The following KCNH2 variants were observed in gnomAD, a reference collection of about 807,000 sequenced individuals.
KCNH2 encodes potassium voltage-gated channel subfamily H member 2.
Under a neutral mutation model 95.9 loss-of-function variants are expected in KCNH2, and 35 were observed. The ratio of observed to expected loss-of-function variants is 0.37; its 90% CI spans 0.28 to 0.48. The LOEUF (loss-of-function observed/expected upper bound fraction) is 0.48, where lower values mean the gene tolerates loss of function less well. KCNH2 is among the 20% of genes least tolerant of loss of function. KCNH2 has a pLI of 0.99. For missense variants in KCNH2, 1,274 were observed against 1,702.9 expected, an observed-to-expected ratio of 0.75 and a Z score of 4.43; for synonymous variants, 786 against 754.7, an observed-to-expected ratio of 1.04 and a Z score of -0.68.
At chr7:150,953,437 G>C (rs556724447) in intron 5 of KCNH2, among the ~76,000 whole-genome samples, 1 of 152,158 alleles carries the variant, frequency 6.6e-6, no homozygotes, top group East Asian at 1.9e-4. Context: ...CTCCACACAG[G>C]TCCGGGACAG....
intron 2 of KCNH2, 84 bp downstream of exon 2, chr7:150,974,627 A>ACCCCCCCCC: frequency 2.9e-6 from 1 of 346,194 alleles, no homozygotes; most frequent in Non-Finnish European, 4.9e-6. Context: ...ACACCCCCAC[A>ACCCCCCCCC]CCCCCACGCA....
intron 4 of KCNH2, among the ~76,000 whole-genome samples, 188 bp downstream of exon 4, chr7:150,957,871 T>A (rs41314414): frequency 6.6e-6 from 1 of 152,152 alleles, no homozygotes; most frequent in East Asian, 1.9e-4. Context: ...AAGAATGTAA[T>A]GGGATGAATG....
chr7:150,957,133 C>A (rs537636181), intron 5 of KCNH2, among the ~76,000 whole-genome samples, 158 bp downstream of exon 5: 3 of 152,168 alleles, frequency 2.0e-5, no homozygotes, highest in African/African-American at 7.2e-5. Context: ...CCCATCGCAG[C>A]TCTGGAATAG....
intron 2 of KCNH2, among the ~76,000 whole-genome samples, chr7:150,973,412 T>C (rs1484005078): frequency 1.3e-5 from 2 of 152,200 alleles, no homozygotes; most frequent in South Asian, 2.1e-4. Context: ...ACAACAGTAG[T>C]GTCTACCTCC....
At chr7:150,949,675 G>C (rs756247931) in intron 9 of KCNH2, 25 of 1,144,988 alleles carry the variant, frequency 2.2e-5, no homozygotes, top group Middle Eastern at 4.0e-4. Context: ...ACAGGCAAAG[G>C]GGGAGGAAGT....
rs1200618653 is a variant in KCNH2, at chr7:150,978,300, T to TCGGCC, written c.-392_-388dup. The TCGGCC allele has an allele frequency of 7.0e-6, 1 of 143,202 alleles. No homozygotes were observed. The highest frequency in any genetic ancestry group is 1.5e-5 in the Non-Finnish European group (1 of 65,094). 8.9% of individuals were successfully genotyped at this position (143,202 alleles called of 1,614,324 possible). A position where few individuals can be genotyped will look rare whatever the true frequency, so the allele number is the denominator to read the frequency against. ...CCGCGGCTCGGGCAGCGCCTGCGGC[T>TCGGCC]CGGCCCGGCCGCGGAAGGGTTAATG... is the stretch of plus-strand genomic sequence containing the variant. On this transcript the variant is annotated 5_prime_UTR_variant, in exon 1 of 15. Transcript: ENST00000262186.
At chr7:150,970,716 C>G (rs1801820662) in intron 2 of KCNH2, among the ~76,000 whole-genome samples, 1 of 152,214 alleles carries the variant, frequency 6.6e-6, no homozygotes, top group Admixed American at 6.5e-5. Flanking sequence ...CAGATTCTCC[C>G]ACTCAGCCCT....
At chr7:150,959,101 C>T (rs1355997391) in intron 3 of KCNH2, among the ~76,000 whole-genome samples, 2 of 152,222 alleles carry the variant, frequency 1.3e-5, no homozygotes, top group Non-Finnish European at 2.9e-5. Context: ...AAAGCCTCTC[C>T]TCAGCTAGCC....
chr7:150,958,579 C>A, intron 3 of KCNH2, 77 bp from the exon 4 acceptor site: 1 of 1,268,532 alleles, frequency 7.9e-7, no homozygotes, highest in Non-Finnish European at 1.0e-6. Flanking sequence ...AAATGGACCC[C>A]CAGCCGCTGG....
At chr7:150,975,161 T>A (rs1801950388) in intron 1 of KCNH2, among the ~76,000 whole-genome samples, 1 of 151,826 alleles carries the variant, frequency 6.6e-6, no homozygotes, top group Non-Finnish European at 1.5e-5. Context: ...CTCCTCCGCC[T>A]GGCCCGCGGG....
chr7:150,956,896 C>G (rs1167478373), intron 5 of KCNH2, among the ~76,000 whole-genome samples: 1 of 152,076 alleles, frequency 6.6e-6, no homozygotes, highest in African/African-American at 2.4e-5. Flanking sequence ...TTGGCTTGGC[C>G]CCTAGTACTT....
intron 5 of KCNH2, chr7:150,955,862 C>T: frequency 9.8e-7 from 1 of 1,015,816 alleles, no homozygotes; most frequent in Non-Finnish European, 1.2e-6. Flanking sequence ...CCCCACCCCG[C>T]CACACTAGGC....
intron 9 of KCNH2, 21 bp downstream of exon 9, chr7:150,950,147 T>TGGGGGGGGGGGGGGGGGTG: frequency 1.2e-6 from 1 of 843,278 alleles, no homozygotes; most frequent in Non-Finnish European, 1.9e-6. Context: ...TCCAGTCCAG[T>TGGGGGGGGGGGGGGGGGTG]GCCCGCCCCC....
Position 150,945,439 on chromosome 7 carries a change from G to C in KCNH2, c.3406C>G (p.Leu1136Val). Residue 1136 changes from leucine to valine, a missense_variant, in exon 15 of 15, where the codon CTC becomes GTC. Physicochemically the swap from Leu to Val is conservative, Grantham distance 32 (BLOSUM62 1). Around this residue, in one of 7 missense-constraint regions of KCNH2, gnomAD observed 457 missense variants for 416.1 expected, o/e 1.10. Coordinates refer to ENST00000262186, the MANE Select transcript of KCNH2 (RefSeq NM_000238.4). The surrounding 1 kb of genome is among the most constrained non-coding windows in gnomAD (Gnocchi z 5.6). ...GCCCCCAGCTGGCCCGGTAGGGAGA[G>C]GCGTCGTGTGGGGCCTTCTTGGGGA... is the stretch of plus-strand genomic sequence containing the variant. ...ELPQEGPTRRLSLPGQLGALT... is the reference protein window; with the variant it reads ...ELPQEGPTRRVSLPGQLGALT... The C allele has an allele frequency of 6.4e-7, 1 of 1,568,408 alleles. No homozygotes were observed. The highest frequency in any genetic ancestry group is 8.6e-7 in the Non-Finnish European group (1 of 1,156,780).
rs1283738623 is a variant in KCNH2 at position 150,946,764 on chromosome 7, G to C, written c.3330+113C>G. The C allele has an allele frequency of 5.0e-6, 5 of 1,009,482 alleles. No homozygotes were observed. The highest frequency in any genetic ancestry group is 4.9e-5 in the East Asian group (2 of 40,492). 62.5% of individuals were successfully genotyped at this position (1,009,482 alleles called of 1,614,324 possible). A position where few individuals can be genotyped will look rare whatever the true frequency, so the allele number is the denominator to read the frequency against. ...AGGGGTGGGAGGAGGGCAGGAACAA[G>C]GTTCAGGGAGGCTGGGCCACAGAGC... On this transcript the variant is annotated intron_variant, in intron 14 of 14. Transcript: ENST00000262186. The surrounding 1 kb of genome is among the most constrained non-coding windows in gnomAD (Gnocchi z 6.5).
In KCNH2 at chr7:150,970,259, C is replaced by T. The variant is rs41308981; in HGVS notation, c.307+4452G>A. ...TCTGGGGAGAAAAGAGGCCCAGTCT[C>T]CCCCCTCACACACCCCCAAGCTGGC... On this transcript the variant is annotated intron_variant, in intron 2 of 14. Transcript: ENST00000262186. 5.6e-3 allele frequency among the ~76,000 whole-genome samples: 783 copies of T among 138,610 alleles called. 8 individuals are homozygous for T. Among genetic ancestry groups the T allele is most frequent in the African/African-American group, 0.02 (726 of 36,338 alleles). 90.9% of individuals were successfully genotyped at this position (138,610 alleles called of 152,430 possible).
rs1210175432 is a variant in KCNH2 at position 150,948,962 on chromosome 7, T to G, written c.2486A>C (p.Asp829Ala). 2.5e-6 allele frequency: 4 copies of G among 1,613,980 alleles called. No homozygotes were observed. Among genetic ancestry groups the G allele is most frequent in the Non-Finnish European group, 2.5e-6 (3 of 1,180,008 alleles). Reference sequence around the variant, plus strand: ...GTCGTCCCGATGGATCTTGTGTAGGTCACAGTAGGTGAGGGCCCGCACATC... The same window carrying G: ...GTCGTCCCGATGGATCTTGTGTAGGGCACAGTAGGTGAGGGCCCGCACATC... ...NGDVRALTYCDLHKIHRDDLL... is the reference protein window; with the variant it reads ...NGDVRALTYCALHKIHRDDLL... Residue 829 changes from aspartate (D) to alanine (A), a missense_variant, in exon 10 of 15, where the codon GAC becomes GCC. By Grantham distance (126) the Asp-to-Ala change is moderately radical (BLOSUM62 -2). Coordinates refer to ENST00000262186, the MANE Select transcript of KCNH2 (RefSeq NM_000238.4).
chr7:150,948,880 C>T lies in KCNH2; in HGVS notation c.2568G>A (p.Leu856=), dbSNP rs1190662760. Residue 856 remains leucine (L), a synonymous_variant, in exon 10 of 15, where the codon CTG becomes CTA. Coordinates refer to ENST00000262186, the MANE Select transcript of KCNH2 (RefSeq NM_000238.4). ...CATCTCGCAGGTTGAAGGTGATCTCCAGGCTGGACCAGAAGTGGTCGGAGA... is the reference window on the plus strand; with the variant it reads ...CATCTCGCAGGTTGAAGGTGATCTCTAGGCTGGACCAGAAGTGGTCGGAGA... ...PEFSDHFWSS[L]EITFNLRDTN... is the part of the protein sequence containing the mutation. 1 of 1,614,226 alleles carries T rather than the reference C, an allele frequency of 6.2e-7. No individual in the cohort carries two copies. The highest frequency in any genetic ancestry group is 2.2e-5 in the East Asian group (1 of 44,890).
Position 150,945,047 on chromosome 7 carries a change from A to G in KCNH2, c.*318T>C, listed in dbSNP as rs144458403. The G allele has an allele frequency of 2.8e-6, 1 of 356,468 alleles. No homozygotes were observed. The highest frequency in any genetic ancestry group is 5.1e-6 in the Non-Finnish European group (1 of 195,814). The allele number at this position is 356,468 out of a possible 1,614,324, so 22.1% of individuals were successfully genotyped here. A position where few individuals can be genotyped will look rare whatever the true frequency, so the allele number is the denominator to read the frequency against. On this transcript the variant is annotated 3_prime_UTR_variant, in exon 15 of 15. Transcript: ENST00000262186. The surrounding 1 kb of genome is among the most constrained non-coding windows in gnomAD (Gnocchi z 5.6). Reference sequence around the variant, plus strand: ...ATCCTTAATTATTATCCTTAACAATAAGAGCAGTAAATAGCAGAAAAGTCC... The same window carrying G: ...ATCCTTAATTATTATCCTTAACAATGAGAGCAGTAAATAGCAGAAAAGTCC...
Sources: allele counts gnomAD v4.1 joint callset (sites outside exome capture counted in the v4.1 genomes callset), GRCh38; gene constraint gnomAD v4.1.1; regional missense constraint gnomAD v4.1.1; non-coding constraint Gnocchi (gnomAD v3.1); transcripts MANE v1.5; gene names NCBI Gene and HGNC (gene_info 2026-07-23, HGNC 2026-07-21).